The following NPAT variants were observed in gnomAD, a reference collection of about 807,000 sequenced individuals.
NPAT encodes the protein protein NPAT.
In NPAT, 52 loss-of-function variants were observed where a neutral mutation model predicts 130.7. That is an observed-to-expected ratio of 0.40 (90% CI 0.32 to 0.50). NPAT has a LOEUF of 0.50. NPAT is among the 20% of genes least tolerant of loss of function. NPAT has a pLI of 0.68. For missense variants in NPAT, 1,687 were observed against 1,662.6 expected, an observed-to-expected ratio of 1.01 and a Z score of -0.26; for synonymous variants, 580 against 584.8, an observed-to-expected ratio of 0.99 and a Z score of 0.12.
intron 13 of NPAT, 123 bp downstream of exon 13, chr11:108,172,076 T>C (rs1301894651): frequency 1.2e-6 from 1 of 848,478 alleles, no homozygotes; most frequent in African/African-American, 1.7e-5. Flanking sequence ...TAATCACAAA[T>C]TTCAGAATCT....
At chr11:108,209,723 A>G (rs2078365089) in intron 1 of NPAT, among the ~76,000 whole-genome samples, 1 of 151,898 alleles carries the variant, frequency 6.6e-6, no homozygotes, top group African/African-American at 2.4e-5. Flanking sequence ...CCTCCTTTCT[A>G]CTAAAAATAC....
chr11:108,157,814 G>A lies in NPAT; in HGVS notation c.*1128C>T, dbSNP rs2077810542. 6.6e-6 allele frequency: 1 copy of A among 152,410 alleles called. No individual in the cohort carries two copies. The highest frequency in any genetic ancestry group is 2.1e-4 in the South Asian group (1 of 4,822). The allele number at this position is 152,410 out of a possible 1,614,324, so 9.4% of individuals were successfully genotyped here. ...AAAGTTTAAACCAATTCTTCAACTGGACTGATGTGTGTGAGTCTAATACAG... is the reference window on the plus strand; with the variant it reads ...AAAGTTTAAACCAATTCTTCAACTGAACTGATGTGTGTGAGTCTAATACAG... On this transcript the variant is annotated 3_prime_UTR_variant, in exon 18 of 18. Transcript: ENST00000278612.
At chr11:108,165,284 T>A (rs1382190187) in intron 15 of NPAT, among the ~76,000 whole-genome samples, 3 of 151,842 alleles carry the variant, frequency 2.0e-5, no homozygotes, top group East Asian at 3.9e-4. Flanking sequence ...TTCTCATTTT[T>A]AAATTTTATT....
intron 10 of NPAT, among the ~76,000 whole-genome samples, chr11:108,181,631 T>C (rs2078059418): frequency 6.6e-6 from 1 of 152,132 alleles, no homozygotes; most frequent in Non-Finnish European, 1.5e-5. Flanking sequence ...GGCTTCAAAA[T>C]GGTAGGCACT....
intron 12 of NPAT, among the ~76,000 whole-genome samples, chr11:108,175,225 G>T (rs1333573450): frequency 6.6e-6 from 1 of 152,092 alleles, no homozygotes; most frequent in Admixed American, 6.5e-5. Flanking sequence ...ATTTCTTACT[G>T]TGCCTAACTT....
At chr11:108,198,977 A>G (rs1245151706) in intron 1 of NPAT, among the ~76,000 whole-genome samples, 1 of 152,240 alleles carries the variant, frequency 6.6e-6, no homozygotes, top group Non-Finnish European at 1.5e-5. Context: ...CTCCGCTGGC[A>G]CTGGGCAGCT....
chr11:108,185,457 C>T lies in NPAT; in HGVS notation c.764G>A (p.Ser255Asn). The change falls in exon 9 of 18, where the codon AGC (serine) becomes AAC (asparagine). Residue 255 changes from serine to asparagine, a missense_variant. Physicochemically the swap from Ser to Asn is conservative, Grantham distance 46. This residue lies in a region of NPAT where 307 missense variants were observed against 298.9 expected (regional missense o/e 1.03). Coordinates refer to ENST00000278612, the MANE Select transcript of NPAT (RefSeq NM_002519.3). ...VIENAREKIL[S>N]NKSLQEKLAE... ...TAGCTTTTCTTGAAGAGATTTGTTG[C>T]TTAGTATTTTTTCTCGTGCATTTTC... 1 of 1,611,964 alleles carries T rather than the reference C, an allele frequency of 6.2e-7. No homozygotes were observed. Among genetic ancestry groups the T allele is most frequent in the Non-Finnish European group, 8.5e-7 (1 of 1,178,600 alleles).
chr11:108,213,260 CG>C (rs1463416539), intron 1 of NPAT, among the ~76,000 whole-genome samples: 1 of 151,994 alleles, frequency 6.6e-6, no homozygotes, highest in Non-Finnish European at 1.5e-5. Context: ...GCAACAAGAG[CG>C]AAACTCTGTC....
At chr11:108,181,275 C>A (rs139215477) in intron 10 of NPAT, among the ~76,000 whole-genome samples, 2,959 of 152,262 alleles carry the variant, frequency 0.019, 44 homozygotes, top group Non-Finnish European at 0.029. Context: ...ACCAGCCTGG[C>A]CGACATGGCA....
chr11:108,174,764 G>A (rs1049601172), intron 12 of NPAT, among the ~76,000 whole-genome samples: 3 of 151,682 alleles, frequency 2.0e-5, no homozygotes, highest in South Asian at 4.1e-4. Context: ...ACAGGTGCGC[G>A]CCAGCCACCA....
At position 108,222,607 on chromosome 11, in the gene NPAT, G is replaced by A. The variant is rs191855201; in HGVS notation, c.-71C>T. 74 of 1,542,428 alleles carry A rather than the reference G, an allele frequency of 4.8e-5. No homozygotes were observed. In the African/African-American group the frequency reaches 8.8e-4, roughly 18 times the overall value. On this transcript the variant is annotated 5_prime_UTR_variant, in exon 1 of 18. Transcript: ENST00000278612. ...TAAAGCAAACACAGCGACAGCTCCTGCGCCGCATCTCCTGGTTCCAGTGGC... is the reference window on the plus strand; with the variant it reads ...TAAAGCAAACACAGCGACAGCTCCTACGCCGCATCTCCTGGTTCCAGTGGC...
chr11:108,165,937 C>G (rs1387607444), intron 15 of NPAT, among the ~76,000 whole-genome samples: 2 of 126,398 alleles, frequency 1.6e-5, no homozygotes, highest in Non-Finnish European at 3.2e-5. Flanking sequence ...CCAGCCCATA[C>G]CTGGCTAATT....
chr11:108,209,448 C>T (rs1396921303), intron 1 of NPAT, among the ~76,000 whole-genome samples: 2 of 151,950 alleles, frequency 1.3e-5, no homozygotes, highest in African/African-American at 4.8e-5. Flanking sequence ...GGTAGGTGTG[C>T]TGGCACGTGC....
intron 1 of NPAT, among the ~76,000 whole-genome samples, chr11:108,198,192 GACA>G (rs2134876149): frequency 6.6e-6 from 1 of 152,246 alleles, no homozygotes; most frequent in East Asian, 1.9e-4. Context: ...CAACAGCTAA[GACA>G]ACAACAAACA....
chr11:108,208,246 C>T (rs558949991), intron 1 of NPAT, among the ~76,000 whole-genome samples: 1 of 152,204 alleles, frequency 6.6e-6, no homozygotes, highest in South Asian at 2.1e-4. Flanking sequence ...CAACCTGTCT[C>T]AAAGTAGGTA....
At chr11:108,198,344 A>G (rs1286191492) in intron 1 of NPAT, among the ~76,000 whole-genome samples, 1 of 152,234 alleles carries the variant, frequency 6.6e-6, no homozygotes, top group Non-Finnish European at 1.5e-5. Flanking sequence ...AAATCTGCCT[A>G]GGGAAATCCA....
intron 1 of NPAT, among the ~76,000 whole-genome samples, chr11:108,211,648 T>C (rs528938714): frequency 5.4e-4 from 82 of 152,042 alleles, no homozygotes; most frequent in Middle Eastern, 7.0e-3. Flanking sequence ...AATGCAGTAA[T>C]GCAAGGTTGG....
At position 108,161,046 on chromosome 11, in the gene NPAT, G is replaced by A. The variant is rs1303814262; in HGVS notation, c.4040C>T (p.Thr1347Ile). The A allele has an allele frequency of 1.2e-6, 2 of 1,614,146 alleles. No homozygotes were observed. The change falls in exon 17 of 18, where the codon ACT becomes ATT. Residue 1347 changes from threonine to isoleucine, a missense_variant. Around this residue, in one of 3 missense-constraint regions of NPAT, gnomAD observed 1,379 missense variants for 1,346.6 expected, o/e 1.02. Transcript: ENST00000278612. ...ILSRAAISRTTSATPLKDNTQ... is the reference protein window; with the variant it reads ...ILSRAAISRTISATPLKDNTQ... The stretch of plus-strand genomic sequence containing the variant: ...GTTATCTTTCAGAGGAGTTGCTGAA[G>A]TAGTCCTAGAAATGGCTGCCCTGGA...
intron 6 of NPAT, 32 bp from the exon 7 acceptor site, chr11:108,188,211 A>C (rs1025005425): frequency 1.3e-6 from 2 of 1,486,270 alleles, no homozygotes; most frequent in African/African-American, 2.8e-5. Flanking sequence ...CAGTAAGCCA[A>C]AGAAACTGAA....
Sources: gnomAD v4.1 joint callset for allele counts (sites outside exome capture counted in the v4.1 genomes callset) on GRCh38, gnomAD v4.1.1 for gene constraint, gnomAD v4.1.1 regional missense constraint, MANE v1.5 for transcripts, NCBI Gene and HGNC (gene_info 2026-07-23, HGNC 2026-07-21) for gene names.